Variants in TMEM232 observed in about 807,000 individuals in gnomAD.
The protein encoded by TMEM232 is transmembrane protein 232.
A neutral mutation model predicts 78.8 loss-of-function variants in TMEM232; 80 were observed. That is an observed-to-expected ratio of 1.01 (90% CI 0.85 to 1.22). TMEM232 has a LOEUF of 1.22. Ranked by LOEUF, TMEM232 falls within the 50% of genes most tolerant of loss-of-function variation. The pLI is 0.00. For missense variants in TMEM232, 881 were observed against 742.2 expected, an observed-to-expected ratio of 1.19 and a Z score of -2.17; for synonymous variants, 297 against 254.3, an observed-to-expected ratio of 1.17 and a Z score of -1.60.
chr5:110,456,009 G>A lies in TMEM232; in HGVS notation c.1704-31093C>T, dbSNP rs546894123. 2.3e-3 allele frequency among the ~76,000 whole-genome samples: 346 copies of A among 152,306 alleles called. 1 individual carries two copies. The highest frequency in any genetic ancestry group is 8.1e-3 in the African/African-American group (338 of 41,578). On this transcript the variant is annotated intron_variant, in intron 12 of 13. Transcript: ENST00000455884. ...GCTTCCATTCTACATAATGATGAAAGCAGAATGCTTTGCCTCTAAGATCAG... is the reference window on the plus strand; with the variant it reads ...GCTTCCATTCTACATAATGATGAAAACAGAATGCTTTGCCTCTAAGATCAG...
chr5:110,555,805 T>G (rs77030600), intron 11 of TMEM232, among the ~76,000 whole-genome samples: 5,912 of 152,274 alleles, frequency 0.039, 178 homozygotes, highest in African/African-American at 0.081. Context: ...TGCCTGAAAT[T>G]AGAATAGCAA....
chr5:110,540,815 A>G (rs1197135927), intron 11 of TMEM232, among the ~76,000 whole-genome samples: 1 of 152,204 alleles, frequency 6.6e-6, no homozygotes, highest in Non-Finnish European at 1.5e-5. Flanking sequence ...CCTGTGGTTC[A>G]TGCTCATGCT....
intron 2 of TMEM232, among the ~76,000 whole-genome samples, chr5:110,403,655 G>T (rs1227288968): frequency 6.6e-6 from 1 of 151,976 alleles, no homozygotes; most frequent in Non-Finnish European, 1.5e-5. Flanking sequence ...AACACATAGG[G>T]ATTTGGGCTG....
intron 1 of TMEM232, among the ~76,000 whole-genome samples, chr5:110,712,149 C>T (rs571873317): frequency 2.1e-5 from 3 of 141,322 alleles, no homozygotes; most frequent in Non-Finnish European, 4.7e-5. Flanking sequence ...GAAACTACTA[C>T]AAGAAAACCT....
intron 1 of TMEM232, among the ~76,000 whole-genome samples, chr5:110,676,459 C>T (rs1472335136): frequency 6.7e-6 from 1 of 150,368 alleles, no homozygotes; most frequent in East Asian, 2.0e-4. Context: ...GCACTGGCCG[C>T]GATCTTGGGG....
At chr5:110,397,478 C>T (rs78500331) in intron 3 of TMEM232, among the ~76,000 whole-genome samples, 276 of 152,194 alleles carry the variant, frequency 1.8e-3, no homozygotes, top group African/African-American at 6.2e-3. Flanking sequence ...AGTATATTAG[C>T]GCTAATAGTG....
chr5:110,393,958 CAA>C (rs201803686), intron 3 of TMEM232, among the ~76,000 whole-genome samples: 13 of 60,746 alleles, frequency 2.1e-4, no homozygotes, highest in East Asian at 1.6e-3. Flanking sequence ...AACTTCATCT[CAA>C]AAAAAAAAAA....
intron 12 of TMEM232, among the ~76,000 whole-genome samples, chr5:110,520,611 A>G (rs1187610779): frequency 6.6e-6 from 1 of 152,178 alleles, no homozygotes; most frequent in Admixed American, 6.5e-5. Context: ...GAAACATCCC[A>G]AAATTTAGTG....
At chr5:110,653,971 T>C (rs1048873310) in intron 2 of TMEM232, among the ~76,000 whole-genome samples, 10 of 152,006 alleles carry the variant, frequency 6.6e-5, no homozygotes, top group African/African-American at 2.4e-4. Context: ...AAATAATTAA[T>C]CAAAGGAAAG....
intron 12 of TMEM232, among the ~76,000 whole-genome samples, chr5:110,449,567 A>C (rs954693509): frequency 2.7e-5 from 4 of 148,768 alleles, no homozygotes; most frequent in Admixed American, 2.0e-4. Flanking sequence ...ATGTGGCTTT[A>C]TTTACTACCT....
intron 12 of TMEM232, among the ~76,000 whole-genome samples, chr5:110,467,968 T>A (rs928222228): frequency 6.6e-6 from 1 of 152,182 alleles, no homozygotes; most frequent in Non-Finnish European, 1.5e-5. Flanking sequence ...CATGACATTC[T>A]TCCTGTGTGC....
intron 12 of TMEM232, among the ~76,000 whole-genome samples, chr5:110,497,929 C>T (rs1765808512): frequency 6.6e-6 from 1 of 152,014 alleles, no homozygotes; most frequent in Admixed American, 6.6e-5. Context: ...CTATGTCACT[C>T]AAGTATTAAT....
intron 8 of TMEM232, among the ~76,000 whole-genome samples, chr5:110,613,449 A>C (rs563277911): frequency 2.8e-4 from 42 of 152,234 alleles, no homozygotes; most frequent in African/African-American, 1.0e-3. Flanking sequence ...TTTGCTTTTA[A>C]ATCTCGGAAC....
At chr5:110,533,025 C>G (rs985477039) in intron 11 of TMEM232, among the ~76,000 whole-genome samples, 1 of 152,148 alleles carries the variant, frequency 6.6e-6, no homozygotes, top group South Asian at 2.1e-4. Flanking sequence ...CTGTGGTGCC[C>G]AACCCGTACA....
chr5:110,616,152 G>A (rs1782902393), intron 8 of TMEM232, among the ~76,000 whole-genome samples: 1 of 151,872 alleles, frequency 6.6e-6, no homozygotes, highest in African/African-American at 2.4e-5. Flanking sequence ...TGGAAACATT[G>A]CAAAACTGGA....
At chr5:110,662,346 T>C (rs1789915015) in intron 2 of TMEM232, among the ~76,000 whole-genome samples, 1 of 152,116 alleles carries the variant, frequency 6.6e-6, no homozygotes, top group African/African-American at 2.4e-5. Context: ...AAAACTGTAT[T>C]GAGAAAATTT....
chr5:110,532,327 A>G (rs1224019469), intron 11 of TMEM232, among the ~76,000 whole-genome samples: 3 of 150,604 alleles, frequency 2.0e-5, no homozygotes, highest in Non-Finnish European at 4.4e-5. Context: ...ACGCTGCCCG[A>G]TCGCCTCAGA....
intron 1 of TMEM232, among the ~76,000 whole-genome samples, chr5:110,691,400 G>A (rs1442199313): frequency 6.6e-6 from 1 of 152,206 alleles, no homozygotes. Context: ...GTGATGAATG[G>A]TTTAGGAAGG....
chr5:110,547,979 C>T (rs1268047357), intron 11 of TMEM232, among the ~76,000 whole-genome samples: 2 of 131,146 alleles, frequency 1.5e-5, no homozygotes, highest in South Asian at 2.4e-4. Context: ...GCCTGGGTGA[C>T]ACAGCTAGAC....
Sources: gnomAD v4.1 joint callset for allele counts (sites outside exome capture counted in the v4.1 genomes callset) on GRCh38, gnomAD v4.1.1 for gene constraint, MANE v1.5 for transcripts, NCBI Gene and HGNC (gene_info 2026-07-23, HGNC 2026-07-21) for gene names.